Variants in CKAP5 observed in about 807,000 individuals in gnomAD.
CKAP5 encodes the protein cytoskeleton-associated protein 5.
In CKAP5, 27 loss-of-function variants were observed where a neutral mutation model predicts 232.8. That is an observed-to-expected ratio of 0.12 (90% CI 0.09 to 0.16). The LOEUF is 0.16. CKAP5 is among the 10% of genes least tolerant of loss of function. The pLI, the probability that CKAP5 is intolerant of heterozygous loss-of-function variation, is 1.00. For missense variants in CKAP5, 1,838 were observed against 2,424.7 expected (o/e 0.76, Z 5.08); for synonymous variants, 785 against 841.1 (o/e 0.93, Z 1.16).
At chr11:46,762,830 A>G in intron 30 of CKAP5, 68 bp from the exon 31 acceptor site, 1 of 1,533,474 alleles carries the variant, frequency 6.5e-7, no homozygotes, top group Middle Eastern at 1.7e-4. Flanking sequence ...CCCATGCATT[A>G]CTATGTTTTG....
chr11:46,813,824 A>G lies in CKAP5; in HGVS notation c.458+2374T>C, dbSNP rs564287086. On this transcript the variant is annotated intron_variant, in intron 4 of 43. Coordinates refer to ENST00000529230, the MANE Select transcript of CKAP5 (RefSeq NM_001008938.4). ...AGAGTACACAGCACTCCAGACTAGAAACTTGTAATTTAAAGGTAGAAGATT... is the reference window on the plus strand; with the variant it reads ...AGAGTACACAGCACTCCAGACTAGAGACTTGTAATTTAAAGGTAGAAGATT... Among the ~76,000 whole-genome samples, 11 of 152,184 alleles carry G rather than the reference A, an allele frequency of 7.2e-5. No homozygotes were observed. The East Asian group carries it at 2.1e-3, about 29-fold the overall frequency.
chr11:46,846,173 C>T (rs1346598624), intron 1 of CKAP5, 47 bp downstream of exon 1: 1 of 152,336 alleles, frequency 6.6e-6, no homozygotes, highest in African/African-American at 2.4e-5. Context: ...CGCGCGATGC[C>T]TGCACTCGAG....
intron 18 of CKAP5, 58 bp downstream of exon 18, chr11:46,783,216 C>G (rs1007179095): frequency 1.0e-6 from 1 of 987,162 alleles, no homozygotes; most frequent in Non-Finnish European, 1.6e-6. Context: ...ATAAACAGCA[C>G]GACTTAGAGA....
intron 9 of CKAP5, among the ~76,000 whole-genome samples, chr11:46,799,372 T>A (rs1347518788): frequency 6.6e-6 from 1 of 152,220 alleles, no homozygotes; most frequent in Non-Finnish European, 1.5e-5. Flanking sequence ...GACTACTTGG[T>A]ATAGTTCAAG....
At chr11:46,821,421 C>T (rs1266171381) in intron 1 of CKAP5, among the ~76,000 whole-genome samples, 153 bp from the exon 2 acceptor site, 43 of 105,180 alleles carry the variant, frequency 4.1e-4, no homozygotes, top group South Asian at 1.2e-3. Context: ...ATTAACAGGA[C>T]TTTTTTTTTT....
At chr11:46,795,815 C>T (rs1938859007) in intron 12 of CKAP5, 39 bp from the exon 13 acceptor site, 1 of 1,519,146 alleles carries the variant, frequency 6.6e-7, no homozygotes, top group African/African-American at 1.4e-5. Context: ...TTAAGCCCAA[C>T]TTTGAAACAC....
At chr11:46,766,263 T>C (rs867462867) in intron 27 of CKAP5, among the ~76,000 whole-genome samples, 16 of 152,280 alleles carry the variant, frequency 1.1e-4, no homozygotes, top group Middle Eastern at 3.4e-3. Context: ...TGAAACTGCT[T>C]CGTAAGTTTA....
At chr11:46,756,453 A>G (rs776672119) in intron 35 of CKAP5, among the ~76,000 whole-genome samples, 5 of 152,214 alleles carry the variant, frequency 3.3e-5, no homozygotes, top group Admixed American at 1.3e-4. Flanking sequence ...TTTATCCTGA[A>G]TCATTTAAGA....
intron 24 of CKAP5, among the ~76,000 whole-genome samples, chr11:46,774,560 G>T (rs1213582671): frequency 6.6e-6 from 1 of 152,140 alleles, no homozygotes; most frequent in Non-Finnish European, 1.5e-5. Context: ...AACAAAGCTG[G>T]AGGCATCACG....
intron 8 of CKAP5, among the ~76,000 whole-genome samples, chr11:46,801,643 C>G (rs1353824755): frequency 6.6e-6 from 1 of 151,808 alleles, no homozygotes; most frequent in East Asian, 1.9e-4. Flanking sequence ...GCACTCCAGC[C>G]TGGGCAACGC....
intron 36 of CKAP5, 54 bp downstream of exon 36, chr11:46,754,834 C>T: frequency 6.6e-7 from 1 of 1,505,106 alleles, no homozygotes; most frequent in Non-Finnish European, 9.1e-7. Flanking sequence ...GCTTTTGAAC[C>T]TCTGTAGGCT....
chr11:46,761,159 G>C (rs1162235788), intron 32 of CKAP5, among the ~76,000 whole-genome samples: 2 of 151,350 alleles, frequency 1.3e-5, no homozygotes, highest in East Asian at 3.9e-4. Flanking sequence ...TGAAGTCAGA[G>C]GATCACTTGA....
At chr11:46,803,959 A>C (rs1031470032) in intron 8 of CKAP5, among the ~76,000 whole-genome samples, 1 of 152,240 alleles carries the variant, frequency 6.6e-6, no homozygotes, top group Non-Finnish European at 1.5e-5. Context: ...CATCAAAAAC[A>C]TGTAAGATCC....
intron 1 of CKAP5, among the ~76,000 whole-genome samples, chr11:46,844,279 C>A (rs1940126953): frequency 6.6e-6 from 1 of 151,128 alleles, no homozygotes; most frequent in South Asian, 2.1e-4. Context: ...TAAAAGTTTA[C>A]AGGAGAGTTG....
At chr11:46,758,825 C>T (rs1412432147) in intron 35 of CKAP5, 98 bp downstream of exon 35, 6 of 1,332,382 alleles carry the variant, frequency 4.5e-6, no homozygotes, top group South Asian at 4.4e-5. Flanking sequence ...ACACTGCCTG[C>T]ATCCCCTAAT....
chr11:46,794,127 TA>T (rs1938812171), intron 13 of CKAP5, among the ~76,000 whole-genome samples: 1 of 152,102 alleles, frequency 6.6e-6, no homozygotes, highest in African/African-American at 2.4e-5. Context: ...ATGTAAGACC[TA>T]AAACTATAAA....
At chr11:46,765,520 T>C (rs890361603) in intron 27 of CKAP5, among the ~76,000 whole-genome samples, 10 of 152,178 alleles carry the variant, frequency 6.6e-5, no homozygotes, top group African/African-American at 2.4e-4. Flanking sequence ...TTACTGATCA[T>C]TAGTCTAGGT....
At chr11:46,803,921 G>C (rs1939094250) in intron 8 of CKAP5, among the ~76,000 whole-genome samples, 1 of 151,944 alleles carries the variant, frequency 6.6e-6, no homozygotes, top group Non-Finnish European at 1.5e-5. Flanking sequence ...TTTATATTTA[G>C]CATCTAAATA....
At chr11:46,772,622 T>C (rs181474029) in intron 24 of CKAP5, among the ~76,000 whole-genome samples, 5 of 152,346 alleles carry the variant, frequency 3.3e-5, no homozygotes, top group Admixed American at 1.3e-4. Context: ...CTGGGTTCTC[T>C]CTGTTGTTCC....
Sources: allele counts gnomAD v4.1 joint callset (sites outside exome capture counted in the v4.1 genomes callset), GRCh38; gene constraint gnomAD v4.1.1; transcripts MANE v1.5; gene names NCBI Gene and HGNC (gene_info 2026-07-23, HGNC 2026-07-21).